The following CLYBL variants were observed in gnomAD, a reference collection of about 807,000 sequenced individuals.
CLYBL encodes the protein citramalyl-CoA lyase, also known as citramalyl-CoA lyase, mitochondrial.
Under a neutral mutation model 38.9 loss-of-function variants are expected in CLYBL, and 31 were observed. The observed-to-expected ratio is 0.80, with a 90% CI of 0.60 to 1.08. The LOEUF is 1.08. Among genes scored for constraint, CLYBL ranks in the 50% least tolerant of loss-of-function variants. The pLI is 0.00. For missense variants in CLYBL, 434 were observed against 411.6 expected (o/e 1.05, Z -0.47); for synonymous variants, 171 against 158.6 (o/e 1.08, Z -0.59).
At chr13:99,842,655 C>T (rs1471136928) in intron 2 of CLYBL, among the ~76,000 whole-genome samples, 1 of 152,090 alleles carries the variant, frequency 6.6e-6, no homozygotes, top group Non-Finnish European at 1.5e-5. Flanking sequence ...AACTCAGAAC[C>T]AACCCCAAGT....
At chr13:99,648,176 T>C (rs2047204032) in intron 1 of CLYBL, among the ~76,000 whole-genome samples, 1 of 152,150 alleles carries the variant, frequency 6.6e-6, no homozygotes, top group African/African-American at 2.4e-5. Context: ...TTAAAAATAA[T>C]TAGGGAGCTG....
At chr13:99,762,937 A>G (rs1192239388) in intron 1 of CLYBL, among the ~76,000 whole-genome samples, 1 of 152,202 alleles carries the variant, frequency 6.6e-6, no homozygotes, top group Non-Finnish European at 1.5e-5. Context: ...AGCTATTATA[A>G]ATAGAATTGC....
At chr13:99,641,196 A>G (rs796153452) in intron 1 of CLYBL, among the ~76,000 whole-genome samples, 1 of 152,226 alleles carries the variant, frequency 6.6e-6, no homozygotes, top group Non-Finnish European at 1.5e-5. Context: ...CCTCAATGAT[A>G]TAAGTTTTTT....
intron 1 of CLYBL, among the ~76,000 whole-genome samples, chr13:99,670,848 C>T (rs1594111286): frequency 6.6e-6 from 1 of 152,146 alleles, no homozygotes; most frequent in African/African-American, 2.4e-5. Context: ...TATGCTTGCT[C>T]CTCTTCTGTT....
rs2050504286 is a variant in CLYBL at position 99,818,446 on chromosome 13, A to ACACACACAC, written c.250-40415_250-40414insCACACACAC. Among the ~76,000 whole-genome samples the ACACACACAC allele has an allele frequency of 3.5e-5, 5 of 143,220 alleles. No individual in the cohort carries two copies. The East Asian group carries it at 1.0e-3, about 29-fold the overall frequency. 94.0% of individuals were successfully genotyped at this position (143,220 alleles called of 152,430 possible). ...CCCCTGAAGATCACATGGAGCAGAA[A>ACACACACAC]ACACACACACACACACACACACACA... On this transcript the variant is annotated intron_variant, in intron 2 of 8. Coordinates refer to ENST00000339105, the MANE Select transcript of CLYBL (RefSeq NM_206808.5).
At chr13:99,725,297 T>G (rs1036273912) in intron 1 of CLYBL, among the ~76,000 whole-genome samples, 1 of 152,188 alleles carries the variant, frequency 6.6e-6, no homozygotes, top group Non-Finnish European at 1.5e-5. Context: ...GTGCGGTTTT[T>G]TTAAGGTTCT....
chr13:99,644,112 A>G (rs2047137561), intron 1 of CLYBL, among the ~76,000 whole-genome samples: 1 of 140,670 alleles, frequency 7.1e-6, no homozygotes, highest in Non-Finnish European at 1.6e-5. Context: ...TATGTGGTGT[A>G]TGTATGTATA....
At chr13:99,908,504 C>G (rs117043369) in exon 10 of CLYBL, among the ~76,000 whole-genome samples, 1 of 152,246 alleles carries the variant, frequency 6.6e-6, no homozygotes, top group Non-Finnish European at 1.5e-5. Context: ...CTTCCATCAG[C>G]TCTGCACCAA....
intron 1 of CLYBL, among the ~76,000 whole-genome samples, chr13:99,608,809 G>T (rs7981201): frequency 0.053 from 7,449 of 139,930 alleles, 672 homozygotes; most frequent in African/African-American, 0.19. Context: ...TGAGAATTCA[G>T]ACGTTAATGT....
chr13:99,614,083 G>A (rs913836183), intron 1 of CLYBL, among the ~76,000 whole-genome samples: 17 of 152,130 alleles, frequency 1.1e-4, no homozygotes, highest in Admixed American at 3.9e-4. Flanking sequence ...ATGAAGACGG[G>A]TACTTATTAG....
downstream of CLYBL, among the ~76,000 whole-genome samples, chr13:99,897,944 A>G (rs1304709313): frequency 6.6e-6 from 1 of 151,400 alleles, no homozygotes; most frequent in Non-Finnish European, 1.5e-5. Context: ...CCGTCTCAAA[A>G]AAAAGAAAGA....
intron 1 of CLYBL, chr13:99,691,086 C>G (rs1453502281): frequency 6.6e-6 from 1 of 152,200 alleles, no homozygotes; most frequent in African/African-American, 2.4e-5. Flanking sequence ...GTTGCTAACC[C>G]TCTCTCACTG....
intron 1 of CLYBL, among the ~76,000 whole-genome samples, chr13:99,688,420 T>A (rs2047850567): frequency 6.6e-6 from 1 of 152,226 alleles, no homozygotes; most frequent in Non-Finnish European, 1.5e-5. Context: ...TTTCATATAC[T>A]TTGTAAGATT....
At chr13:99,780,200 T>G (rs1322190532) in intron 2 of CLYBL, among the ~76,000 whole-genome samples, 1 of 152,200 alleles carries the variant, frequency 6.6e-6, no homozygotes, top group Non-Finnish European at 1.5e-5. Context: ...ACCATCTTTA[T>G]CCCTTATAAT....
intron 7 of CLYBL, chr13:99,885,215 C>T: frequency 2.5e-6 from 1 of 403,094 alleles, no homozygotes; most frequent in Non-Finnish European, 5.0e-6. Context: ...GAGAGCTGTA[C>T]AGGGAAAGGG....
intron 1 of CLYBL, among the ~76,000 whole-genome samples, chr13:99,753,126 G>T (rs2048987915): frequency 6.6e-6 from 1 of 152,144 alleles, no homozygotes; most frequent in Non-Finnish European, 1.5e-5. Context: ...TTATGGGATG[G>T]TCCCGAGGTG....
At chr13:99,710,946 G>GGC (rs2048221853) in intron 1 of CLYBL, among the ~76,000 whole-genome samples, 1 of 144,784 alleles carries the variant, frequency 6.9e-6, no homozygotes, top group African/African-American at 2.6e-5. Flanking sequence ...GGAGTGCAGT[G>GGC]GCGTGATCTC....
intron 2 of CLYBL, among the ~76,000 whole-genome samples, chr13:99,841,084 T>G (rs1473561104): frequency 6.6e-6 from 1 of 152,196 alleles, no homozygotes; most frequent in Non-Finnish European, 1.5e-5. Context: ...GCTGAGAAAC[T>G]GATTCCGGAC....
chr13:99,875,522 G>T (rs1341609726), intron 7 of CLYBL, among the ~76,000 whole-genome samples: 1 of 152,082 alleles, frequency 6.6e-6, no homozygotes, highest in African/African-American at 2.4e-5. Flanking sequence ...AATATTGCTT[G>T]GTCCAGATGG....
Sources: allele counts gnomAD v4.1 joint callset (sites outside exome capture counted in the v4.1 genomes callset), GRCh38; gene constraint gnomAD v4.1.1; transcripts MANE v1.5; gene names NCBI Gene and HGNC (gene_info 2026-07-23, HGNC 2026-07-21).